The following SYNPR variants were observed in gnomAD, a reference collection of about 807,000 sequenced individuals.
The protein encoded by SYNPR is synaptoporin.
In SYNPR, 23 loss-of-function variants were observed where a neutral mutation model predicts 32.9. The ratio of observed to expected loss-of-function variants is 0.70; its 90% CI spans 0.50 to 0.99. The LOEUF (loss-of-function observed/expected upper bound fraction) is 0.99. Among genes scored for constraint, SYNPR ranks in the 50% least tolerant of loss-of-function variants. The pLI is 0.00. For missense variants in SYNPR, 318 were observed against 349.3 expected, an observed-to-expected ratio of 0.91 and a Z score of 0.71; for synonymous variants, 146 against 135.9, an observed-to-expected ratio of 1.07 and a Z score of -0.52.
intron 3 of SYNPR, among the ~76,000 whole-genome samples, chr3:63,546,429 A>G (rs1207375846): frequency 6.6e-6 from 1 of 151,238 alleles, no homozygotes; most frequent in Non-Finnish European, 1.5e-5. Context: ...TAAAACCACA[A>G]TACACTTTCA....
intron 2 of SYNPR, among the ~76,000 whole-genome samples, chr3:63,285,288 C>T (rs984178285): frequency 7.9e-5 from 12 of 152,202 alleles, no homozygotes; most frequent in South Asian, 2.1e-4. Flanking sequence ...CAATTAAAAA[C>T]CAGTACTTTT....
intron 3 of SYNPR, among the ~76,000 whole-genome samples, chr3:63,489,857 A>G (rs1474348800): frequency 6.6e-6 from 1 of 152,176 alleles, no homozygotes; most frequent in Non-Finnish European, 1.5e-5. Context: ...ATCGCTTAGA[A>G]TGTTCTAAGC....
chr3:63,349,504 C>A (rs1019150614), intron 2 of SYNPR, among the ~76,000 whole-genome samples: 1 of 152,146 alleles, frequency 6.6e-6, no homozygotes, highest in Non-Finnish European at 1.5e-5. Flanking sequence ...TTATAATTTT[C>A]TTTGTAGGGA....
intron 2 of SYNPR, among the ~76,000 whole-genome samples, chr3:63,434,770 C>T (rs899417399): frequency 6.6e-6 from 1 of 152,198 alleles, no homozygotes; most frequent in African/African-American, 2.4e-5. Flanking sequence ...TAGAGCTCTC[C>T]CTGTTATAAA....
intron 3 of SYNPR, among the ~76,000 whole-genome samples, chr3:63,506,314 A>G (rs541332396): frequency 5.9e-5 from 9 of 152,282 alleles, no homozygotes; most frequent in Admixed American, 3.9e-4. Flanking sequence ...CCAAATCTGC[A>G]CTTTCTACTT....
intron 2 of SYNPR, among the ~76,000 whole-genome samples, chr3:63,428,038 CT>C (rs1699923379): frequency 6.6e-6 from 1 of 152,094 alleles, no homozygotes; most frequent in Non-Finnish European, 1.5e-5. Flanking sequence ...ATTTCCTTAT[CT>C]TTTTTATTGT....
chr3:63,232,336 G>C (rs889481097), intron 1 of SYNPR, among the ~76,000 whole-genome samples: 1 of 151,310 alleles, frequency 6.6e-6, no homozygotes, highest in Non-Finnish European at 1.5e-5. Context: ...CAGGTAGCTG[G>C]GATTACAGGT....
intron 2 of SYNPR, among the ~76,000 whole-genome samples, chr3:63,467,354 T>C (rs1031846236): frequency 6.6e-6 from 1 of 152,190 alleles, no homozygotes; most frequent in African/African-American, 2.4e-5. Context: ...ATTTACCAGT[T>C]TTTAAACTAA....
intron 2 of SYNPR, among the ~76,000 whole-genome samples, chr3:63,418,177 A>G (rs1355520605): frequency 1.3e-5 from 2 of 152,124 alleles, no homozygotes; most frequent in African/African-American, 4.8e-5. Context: ...ATCTTTCTCA[A>G]GTTCAAAGTT....
intron 2 of SYNPR, among the ~76,000 whole-genome samples, chr3:63,328,523 A>G (rs896321670): frequency 6.6e-6 from 1 of 152,132 alleles, no homozygotes; most frequent in African/African-American, 2.4e-5. Flanking sequence ...TTGACTCACA[A>G]TCATGTGTTT....
At chr3:63,477,828 A>G (rs1451312262) in intron 2 of SYNPR, among the ~76,000 whole-genome samples, 1 of 152,242 alleles carries the variant, frequency 6.6e-6, no homozygotes, top group Non-Finnish European at 1.5e-5. Context: ...GTTGGGCCCA[A>G]GAGCATGTCA....
At chr3:63,410,827 T>C (rs1250651390) in intron 2 of SYNPR, among the ~76,000 whole-genome samples, 9 of 152,152 alleles carry the variant, frequency 5.9e-5, no homozygotes, top group African/African-American at 2.2e-4. Flanking sequence ...CAGAAGCCCC[T>C]GACTTTGAGG....
intron 2 of SYNPR, among the ~76,000 whole-genome samples, chr3:63,340,215 G>A (rs930833431): frequency 1.3e-5 from 2 of 151,988 alleles, no homozygotes; most frequent in African/African-American, 4.8e-5. Context: ...TTCACTCATT[G>A]AAGAATATCT....
chr3:63,272,820 T>C (rs1228541469), intron 3 of SYNPR, among the ~76,000 whole-genome samples: 1 of 152,138 alleles, frequency 6.6e-6, no homozygotes. Context: ...CAGCACCAGA[T>C]TAAAGCCTTC....
rs200845287 is a variant in SYNPR, at chr3:63,541,397, C to T, written c.210-15146C>T. On this transcript the variant is annotated intron_variant, in intron 3 of 5. Transcript: ENST00000478300. ...TGGCTTCTTATAAGACTCAACCAAC[C>T]ACAGTTTCAGAATTACAATCTATTG... 1.7e-4 allele frequency among the ~76,000 whole-genome samples: 26 copies of T among 152,020 alleles called. 1 individual carries two copies. In the East Asian group the frequency reaches 3.5e-3, roughly 20 times the overall value.
intron 2 of SYNPR, among the ~76,000 whole-genome samples, chr3:63,318,125 T>C (rs1446852663): frequency 6.6e-6 from 1 of 152,108 alleles, no homozygotes; most frequent in Non-Finnish European, 1.5e-5. Flanking sequence ...AGAAATCTGC[T>C]GTTAATCTGA....
At chr3:63,445,137 G>C (rs1700251054) in intron 2 of SYNPR, among the ~76,000 whole-genome samples, 1 of 151,958 alleles carries the variant, frequency 6.6e-6, no homozygotes, top group Admixed American at 6.6e-5. Flanking sequence ...TTTCATGGCT[G>C]TAACAGGTTG....
rs2106912729 is a variant in SYNPR at position 63,615,525 on chromosome 3, C to T, written c.*44C>T. 2 of 1,577,476 alleles carry T rather than the reference C, an allele frequency of 1.3e-6. No individual in the cohort carries two copies. The highest frequency in any genetic ancestry group is 2.2e-5 in the East Asian group (1 of 44,460). ...CTTCTGCAGTCGCCTCACCATCTTC[C>T]ATTTCAGTGGCAGAAGAATTTTTTA... is the stretch of plus-strand genomic sequence containing the variant. On this transcript the variant is annotated 3_prime_UTR_variant, in exon 6 of 6. Transcript: ENST00000478300.
upstream of SYNPR, among the ~76,000 whole-genome samples, chr3:63,276,724 A>G (rs1193685983): frequency 2.0e-5 from 3 of 151,780 alleles, no homozygotes; most frequent in Non-Finnish European, 4.4e-5. Flanking sequence ...TAGGAACAAA[A>G]CTGGCTGACT....
Sources: allele counts gnomAD v4.1 joint callset (sites outside exome capture counted in the v4.1 genomes callset), GRCh38; gene constraint gnomAD v4.1.1; transcripts MANE v1.5; gene names NCBI Gene and HGNC (gene_info 2026-07-23, HGNC 2026-07-21).